Variants in DEUP1 observed in about 807,000 individuals in gnomAD.
The protein encoded by DEUP1 is coiled-coil domain containing 67.
DEUP1 carries 82 observed loss-of-function variants against 87.4 expected under a neutral mutation model. The observed-to-expected ratio is 0.94, with a 90% CI of 0.78 to 1.13. The LOEUF (loss-of-function observed/expected upper bound fraction) is 1.13, where lower values mean the gene tolerates loss of function less well. Ranked by LOEUF, DEUP1 falls within the 50% of genes most tolerant of loss-of-function variation. The pLI is 0.00. For missense variants in DEUP1, 663 were observed against 681.5 expected, an observed-to-expected ratio of 0.97 and a Z score of 0.30; for synonymous variants, 214 against 222.7, an observed-to-expected ratio of 0.96 and a Z score of 0.35.
intron 13 of DEUP1, among the ~76,000 whole-genome samples, chr11:93,427,012 G>GAAAAAAAAAAAAAAAAAAAAAAAAA (rs1215051153): frequency 5.1e-4 from 6 of 11,844 alleles, no homozygotes; most frequent in Admixed American, 2.7e-3. Flanking sequence ...AAAAAAAAAA[G>GAAAAAAAAAAAAAAAAAAAAAAAAA]AAAAAAAAAA....
chr11:93,414,736 G>A (rs1028957924), intron 12 of DEUP1, among the ~76,000 whole-genome samples: 41 of 152,058 alleles, frequency 2.7e-4, no homozygotes, highest in African/African-American at 9.2e-4. Flanking sequence ...ACACAGAAAG[G>A]GAAGCAATAT....
chr11:93,402,799 T>C (rs1441750003), intron 11 of DEUP1, among the ~76,000 whole-genome samples: 2 of 151,994 alleles, frequency 1.3e-5, no homozygotes, highest in African/African-American at 2.4e-5. Context: ...TTCTCACTCA[T>C]ATGTGGGAGC....
chr11:93,352,235 A>C (rs919596462), intron 2 of DEUP1: 2 of 645,046 alleles, frequency 3.1e-6, no homozygotes, highest in Admixed American at 4.4e-5. Flanking sequence ...TAGAAGCCTC[A>C]CTACCATCAT....
chr11:93,418,549 T>TGTGG (rs1947733339), intron 13 of DEUP1, among the ~76,000 whole-genome samples: 1 of 151,428 alleles, frequency 6.6e-6, no homozygotes, highest in Admixed American at 6.6e-5. Flanking sequence ...CTGGAGAGGA[T>TGTGG]ATGGAGAAAT....
At chr11:93,334,277 T>C (rs1383645043) in intron 2 of DEUP1, among the ~76,000 whole-genome samples, 1 of 152,190 alleles carries the variant, frequency 6.6e-6, no homozygotes, top group African/African-American at 2.4e-5. Flanking sequence ...ACTTGTTATG[T>C]AGCTTATTAA....
chr11:93,402,125 A>G (rs1357239922), intron 11 of DEUP1, among the ~76,000 whole-genome samples: 1 of 151,922 alleles, frequency 6.6e-6, no homozygotes, highest in African/African-American at 2.4e-5. Context: ...GGAATTAATA[A>G]CCAAAATATA....
chr11:93,347,152 G>A (rs561383140), intron 2 of DEUP1, among the ~76,000 whole-genome samples: 4 of 152,214 alleles, frequency 2.6e-5, no homozygotes, highest in East Asian at 1.9e-4. Flanking sequence ...CAGCTTTTGC[G>A]CATTCAGTGT....
At chr11:93,352,198 GTCC>G (rs1231300383) in intron 2 of DEUP1, 10 of 564,336 alleles carry the variant, frequency 1.8e-5, no homozygotes, top group East Asian at 8.5e-5. Flanking sequence ...TCTCCCTCCT[GTCC>G]TCCTCCCAGC....
intron 2 of DEUP1, among the ~76,000 whole-genome samples, chr11:93,350,639 A>T (rs1433750689): frequency 6.6e-6 from 1 of 152,114 alleles, no homozygotes; most frequent in Non-Finnish European, 1.5e-5. Context: ...TGTATGATAG[A>T]TGATTCTCTT....
At position 93,394,465 on chromosome 11, in the gene DEUP1, A is replaced by C; in HGVS notation, c.1048A>C (p.Ser350Arg). The C allele has an allele frequency of 6.4e-7, 1 of 1,562,512 alleles. No homozygotes were observed. The highest frequency in any genetic ancestry group is 2.3e-5 in the East Asian group (1 of 43,886). ...NHEKELNKIR[S>R]QLQQVEEYHN... Reference sequence around the variant, plus strand: ...CAGTCTCTATCTGCTGCAGATAAGAAGCCAACTCCAACAGGTGGAAGAGTA... The same window carrying C: ...CAGTCTCTATCTGCTGCAGATAAGACGCCAACTCCAACAGGTGGAAGAGTA... The change falls in exon 10 of 14, where the codon AGC (serine) becomes CGC (arginine). Residue 350 changes from serine to arginine, a missense_variant. Physicochemically the swap from Ser to Arg is moderately radical, Grantham distance 110. Transcript: ENST00000298050.
At chr11:93,342,368 G>A (rs1420742057) in intron 2 of DEUP1, among the ~76,000 whole-genome samples, 2 of 152,166 alleles carry the variant, frequency 1.3e-5, no homozygotes, top group Admixed American at 6.5e-5. Flanking sequence ...GACCAAAGTT[G>A]CTCCTGGGAG....
chr11:93,345,415 G>A (rs1944297050), intron 2 of DEUP1, among the ~76,000 whole-genome samples: 1 of 152,094 alleles, frequency 6.6e-6, no homozygotes, highest in Admixed American at 6.6e-5. Context: ...CTGTTTTTAG[G>A]TCTTTGAGGA....
In DEUP1 at chr11:93,408,376, C is replaced by A. The variant is rs542672676; in HGVS notation, c.1472C>A (p.Thr491Lys). The A allele has an allele frequency of 2.1e-5, 33 of 1,570,696 alleles. No homozygotes were observed. Among genetic ancestry groups the A allele is most frequent in the Middle Eastern group, 3.3e-4 (2 of 6,002 alleles). ...ACTAATCAAAACACCTATGAAGAAA[C>A]AGGAAGATATGCCTATCAAAGCCAA... ...TWTNQNTYEE[T>K]GRYAYQSQIK... Residue 491 changes from threonine (T) to lysine (K), a missense_variant, in exon 12 of 14, where the codon ACA becomes AAA. Physicochemically the swap from Thr to Lys is moderately conservative, Grantham distance 78. Transcript: ENST00000298050.
chr11:93,391,707 C>CAAAAAA, intron 9 of DEUP1, among the ~76,000 whole-genome samples: 1 of 78,150 alleles, frequency 1.3e-5, no homozygotes, highest in Non-Finnish European at 2.8e-5. Context: ...GACTCCATCT[C>CAAAAAA]AAAAAAAAAA....
intron 13 of DEUP1, 161 bp from the exon 14 acceptor site, chr11:93,437,382 G>T: frequency 1.8e-6 from 1 of 564,428 alleles, no homozygotes; most frequent in Admixed American, 3.3e-5. Context: ...TTCATTAGTG[G>T]TAACTGAATT....
intron 13 of DEUP1, among the ~76,000 whole-genome samples, chr11:93,437,207 AT>A (rs1948272275): frequency 6.6e-6 from 1 of 152,154 alleles, no homozygotes; most frequent in Non-Finnish European, 1.5e-5. Flanking sequence ...GGAGTTGCCT[AT>A]TTTCAAATGA....
chr11:93,402,522 A>G (rs1178105319), intron 11 of DEUP1, among the ~76,000 whole-genome samples: 1 of 151,966 alleles, frequency 6.6e-6, no homozygotes, highest in Non-Finnish European at 1.5e-5. Context: ...ATCCAAAAGA[A>G]AGGAATCAAT....
intron 9 of DEUP1, among the ~76,000 whole-genome samples, chr11:93,391,038 C>T (rs757859976): frequency 4.7e-4 from 70 of 149,036 alleles, no homozygotes; most frequent in African/African-American, 1.5e-3. Flanking sequence ...GCCGAGATTG[C>T]GCCATGGCAC....
chr11:93,340,853 T>G (rs746629959), intron 2 of DEUP1, among the ~76,000 whole-genome samples: 5 of 152,188 alleles, frequency 3.3e-5, no homozygotes, highest in Non-Finnish European at 7.4e-5. Context: ...AAGCTTGGTT[T>G]GAGATGCCTG....
Sources: gnomAD v4.1 joint callset for allele counts (sites outside exome capture counted in the v4.1 genomes callset) on GRCh38, gnomAD v4.1.1 for gene constraint, MANE v1.5 for transcripts, NCBI Gene and HGNC (gene_info 2026-07-23, HGNC 2026-07-21) for gene names.